The following TUT4 variants were observed in gnomAD, a reference collection of about 807,000 sequenced individuals.
TUT4 encodes terminal uridylyltransferase 4.
A neutral mutation model predicts 192.2 loss-of-function variants in TUT4; 36 were observed. The observed-to-expected ratio is 0.19, with a 90% CI of 0.14 to 0.25. TUT4 has a LOEUF of 0.25. Ranked by LOEUF, TUT4 falls within the 10% of genes least tolerant of loss-of-function variation. The pLI, the probability that TUT4 is intolerant of heterozygous loss-of-function variation, is 1.00. For synonymous variants in TUT4, 618 were observed against 666.0 expected (o/e 0.93, Z 1.11); for missense variants, 1,493 against 1,957.2 (o/e 0.76, Z 4.47).
intron 28 of TUT4, among the ~76,000 whole-genome samples, chr1:52,426,693 GTTTACAAAAAT>G (rs1650064948): frequency 1.3e-5 from 2 of 152,252 alleles, no homozygotes; most frequent in East Asian, 3.9e-4. Flanking sequence ...AGGGCTCAGG[GTTTACAAAAAT>G]AAGTGAAACT....
intron 20 of TUT4, among the ~76,000 whole-genome samples, chr1:52,447,987 T>C (rs1240599658): frequency 6.6e-6 from 1 of 152,224 alleles, no homozygotes; most frequent in African/African-American, 2.4e-5. Flanking sequence ...ATTTTTGATG[T>C]GACAGTGATT....
chr1:52,484,475 T>C (rs770917569), intron 9 of TUT4, among the ~76,000 whole-genome samples: 2 of 152,186 alleles, frequency 1.3e-5, no homozygotes, highest in South Asian at 2.1e-4. Flanking sequence ...CACTGGATAC[T>C]GAGGACAACT....
intron 1 of TUT4, among the ~76,000 whole-genome samples, chr1:52,531,888 T>C (rs1223300590): frequency 1.1e-5 from 1 of 94,218 alleles, no homozygotes; most frequent in Non-Finnish European, 2.2e-5. Context: ...TTCTCATCTT[T>C]TTTTTTTTTT....
In TUT4 at chr1:52,525,567, A is replaced by G; in HGVS notation, c.714T>C (p.Asp238=). 6.3e-7 allele frequency: 1 copy of G among 1,598,990 alleles called. No individual in the cohort carries two copies. Among genetic ancestry groups the G allele is most frequent in the Non-Finnish European group, 8.5e-7 (1 of 1,172,270 alleles). The change falls in exon 2 of 30, where the codon GAT becomes GAC. Residue 238 remains aspartate (D), a synonymous_variant. Coordinates refer to ENST00000257177, the MANE Select transcript of TUT4 (RefSeq NM_001009881.3). ...SASGIEDVSD[D]LSKMKNDESN... is the part of the protein sequence containing the mutation. Reference sequence around the variant, plus strand: ...TCCCTCCAAAAAATGACTTACTTAAATCGTCCGATACGTCTTCAATTCCTG... The same window carrying G: ...TCCCTCCAAAAAATGACTTACTTAAGTCGTCCGATACGTCTTCAATTCCTG...
At chr1:52,477,936 C>T (rs1667514148) in intron 11 of TUT4, 54 bp from the exon 12 acceptor site, 1 of 1,454,740 alleles carries the variant, frequency 6.9e-7, no homozygotes, top group African/African-American at 1.4e-5. Flanking sequence ...TAAAAATCAA[C>T]AAATTTTCAG....
intron 3 of TUT4, among the ~76,000 whole-genome samples, chr1:52,512,037 G>A (rs1206377399): frequency 6.6e-6 from 1 of 152,174 alleles, no homozygotes; most frequent in Non-Finnish European, 1.5e-5. Context: ...CCTGTGTACT[G>A]ATGAGGTCAC....
chr1:52,544,844 G>T (rs992844353), intron 1 of TUT4, among the ~76,000 whole-genome samples: 21 of 152,010 alleles, frequency 1.4e-4, no homozygotes, highest in African/African-American at 4.8e-4. Context: ...ATCACTTGAG[G>T]TCAGGAGTTC....
In TUT4 at chr1:52,538,740, T is replaced by C. The variant is rs1464252114; in HGVS notation, c.-93-12367A>G. The stretch of plus-strand genomic sequence containing the variant: ...TGATCAAAGAATCCTATCATATCTT[T>C]CCTTACTAATATTACTTCCCTGAAT... On this transcript the variant is annotated intron_variant, in intron 1 of 29. Coordinates refer to ENST00000257177, the MANE Select transcript of TUT4 (RefSeq NM_001009881.3). 5 of 151,986 alleles carry C rather than the reference T, an allele frequency of 3.3e-5. No homozygotes were observed. In the East Asian group the frequency reaches 7.7e-4, roughly 23 times the overall value. The allele number at this position is 151,986 out of a possible 1,614,324, so 9.4% of individuals were successfully genotyped here.
intron 19 of TUT4, among the ~76,000 whole-genome samples, chr1:52,459,229 T>C (rs969437055): frequency 3.3e-5 from 5 of 150,626 alleles, no homozygotes; most frequent in African/African-American, 1.2e-4. Context: ...GAGCTTGCAG[T>C]GAGCCGAGAT....
intron 3 of TUT4, among the ~76,000 whole-genome samples, chr1:52,512,008 C>G (rs1173024392): frequency 6.6e-6 from 1 of 152,156 alleles, no homozygotes; most frequent in Non-Finnish European, 1.5e-5. Context: ...TGAAAGCATA[C>G]ATACAGAATA....
chr1:52,455,240 T>C lies in TUT4; in HGVS notation c.3435+3096A>G, dbSNP rs1241434385. Among the ~76,000 whole-genome samples the C allele has an allele frequency of 2.0e-5, 3 of 152,094 alleles. No homozygotes were observed. In the East Asian group the frequency reaches 5.8e-4, roughly 29 times the overall value. On this transcript the variant is annotated intron_variant, in intron 20 of 29. Coordinates refer to ENST00000257177, the MANE Select transcript of TUT4 (RefSeq NM_001009881.3). ...TGGAGGTTGCAGTGAGTGGAGATTG[T>C]GCCACTGTAATCTAGCGTGGACAAC...
In TUT4 at chr1:52,476,597, G is replaced by A. The variant is rs557736070; in HGVS notation, c.2024-1062C>T. Among the ~76,000 whole-genome samples, 364 of 152,018 alleles carry A rather than the reference G, an allele frequency of 2.4e-3. 1 individual carries two copies. Among genetic ancestry groups the A allele is most frequent in the African/African-American group, 8.6e-3 (355 of 41,474 alleles). On this transcript the variant is annotated intron_variant, in intron 12 of 29. Transcript: ENST00000257177. Reference sequence around the variant, plus strand: ...TTTTTGCTGCTATCTAAATCCACAGGCTTTAAAAAGATTTTTCTACTTTCT... The same window carrying A: ...TTTTTGCTGCTATCTAAATCCACAGACTTTAAAAAGATTTTTCTACTTTCT...
intron 1 of TUT4, among the ~76,000 whole-genome samples, chr1:52,533,935 C>T (rs1488941962): frequency 6.6e-6 from 1 of 152,140 alleles, no homozygotes; most frequent in African/African-American, 2.4e-5. Context: ...CACTGCACTC[C>T]AACTTGTGCA....
At chr1:52,529,564 A>G (rs1374780080) in intron 1 of TUT4, among the ~76,000 whole-genome samples, 1 of 152,030 alleles carries the variant, frequency 6.6e-6, no homozygotes, top group African/African-American at 2.4e-5. Flanking sequence ...CTAGTCTGCT[A>G]TAACGATTCT....
chr1:52,539,386 A>G (rs574751726), intron 1 of TUT4, among the ~76,000 whole-genome samples: 3 of 152,320 alleles, frequency 2.0e-5, no homozygotes, highest in African/African-American at 4.8e-5. Context: ...AGATTCCCAG[A>G]TTGAAATGAC....
At chr1:52,511,815 T>C (rs759441237) in intron 3 of TUT4, among the ~76,000 whole-genome samples, 1 of 152,230 alleles carries the variant, frequency 6.6e-6, no homozygotes, top group Non-Finnish European at 1.5e-5. Flanking sequence ...TGAAGGTTTA[T>C]GAGCAGAGAA....
rs577477428 is a variant in TUT4 at position 52,488,687 on chromosome 1, T to G, written c.1515+222A>C. The stretch of plus-strand genomic sequence containing the variant: ...TAAAAGGAGAATATAGCATGACAAT[T>G]AAAAATTCTAAAATATATCCATAAG... On this transcript the variant is annotated intron_variant, in intron 9 of 29. Transcript: ENST00000257177. 2.6e-5 allele frequency among the ~76,000 whole-genome samples: 4 copies of G among 152,290 alleles called. No individual in the cohort carries two copies. In the East Asian group the frequency reaches 7.7e-4, roughly 29 times the overall value.
At chr1:52,439,809 A>C (rs925704855) in intron 24 of TUT4, among the ~76,000 whole-genome samples, 5 of 152,226 alleles carry the variant, frequency 3.3e-5, no homozygotes, top group African/African-American at 1.2e-4. Context: ...TCTCACAAAA[A>C]TTTGCACACA....
chr1:52,546,614 T>C (rs1688153575), intron 1 of TUT4, among the ~76,000 whole-genome samples: 1 of 152,194 alleles, frequency 6.6e-6, no homozygotes, highest in African/African-American at 2.4e-5. Flanking sequence ...ATGGTGATGA[T>C]GGCTGCACAA....
Sources: allele counts gnomAD v4.1 joint callset (sites outside exome capture counted in the v4.1 genomes callset), GRCh38; gene constraint gnomAD v4.1.1; transcripts MANE v1.5; gene names NCBI Gene and HGNC (gene_info 2026-07-23, HGNC 2026-07-21).